Variants in NPHS1 observed in about 807,000 individuals in gnomAD.
NPHS1 encodes NPHS1 adhesion molecule, nephrin.
In NPHS1, 107 loss-of-function variants were observed where a neutral mutation model predicts 139.7. The ratio of observed to expected loss-of-function variants is 0.77; its 90% CI spans 0.66 to 0.90. The LOEUF (loss-of-function observed/expected upper bound fraction) is 0.90, where lower values mean the gene tolerates loss of function less well. Among genes scored for constraint, NPHS1 ranks in the 40% least tolerant of loss-of-function variants. The pLI is 0.00. For missense variants in NPHS1, 1,580 were observed against 1,654.2 expected (o/e 0.96, Z 0.78); for synonymous variants, 707 against 706.6 (o/e 1.00, Z -0.01).
intron 20 of NPHS1, among the ~76,000 whole-genome samples, chr19:35,840,225 G>A (rs1164139034): frequency 2.0e-5 from 3 of 151,536 alleles, no homozygotes; most frequent in Non-Finnish European, 4.4e-5. Context: ...GGCTTGTCTC[G>A]AACTCCTGAC....
chr19:35,851,361 C>T lies in NPHS1; in HGVS notation c.298G>A (p.Ala100Thr), dbSNP rs1379397351. The T allele has an allele frequency of 1.2e-6, 2 of 1,613,280 alleles. No individual in the cohort carries two copies. Among genetic ancestry groups the T allele is most frequent in the African/African-American group, 2.7e-5 (2 of 74,910 alleles). The change falls in exon 3 of 29, where the codon GCC (alanine) becomes ACC (threonine). Residue 100 changes from alanine to threonine, a missense_variant. Ala to Thr is a moderately conservative substitution (Grantham distance 58, BLOSUM62 0). Transcript: ENST00000378910. ...ARGEFHLHIE[A>T]CDLSDDAEYE... ...TCCGCGTCATCGCTGAGGTCACAGGCCTCGATGTGCAGGTGGAATTCACCT... is the reference window on the plus strand; with the variant it reads ...TCCGCGTCATCGCTGAGGTCACAGGTCTCGATGTGCAGGTGGAATTCACCT...
At chr19:35,827,632 C>T (rs1046424412) in intron 28 of NPHS1, among the ~76,000 whole-genome samples, 1 of 152,036 alleles carries the variant, frequency 6.6e-6, no homozygotes, top group African/African-American at 2.4e-5. Flanking sequence ...AATATAAAAC[C>T]TTTAGGCCAA....
intron 11 of NPHS1, among the ~76,000 whole-genome samples, chr19:35,847,151 T>C (rs1973154721): frequency 6.6e-6 from 1 of 151,912 alleles, no homozygotes; most frequent in South Asian, 2.1e-4. Context: ...GTTCACGCCA[T>C]TCTCCTGCCT....
intron 23 of NPHS1, among the ~76,000 whole-genome samples, chr19:35,834,829 C>T (rs1305885762): frequency 6.6e-6 from 1 of 150,584 alleles, no homozygotes; most frequent in East Asian, 1.9e-4. Context: ...AGATAGCAGT[C>T]AGCCGAGATC....
intron 20 of NPHS1, 76 bp from the exon 21 acceptor site, chr19:35,839,683 G>A: frequency 8.3e-7 from 1 of 1,207,124 alleles, no homozygotes; most frequent in Non-Finnish European, 1.2e-6. Flanking sequence ...TTTTCCCTAG[G>A]AATGATTTTA....
In NPHS1 at chr19:35,825,969, A is replaced by G. The variant is rs1300373021; in HGVS notation, c.*545T>C. Reference sequence around the variant, plus strand: ...TTATTTTATTTTTATTTTTTGAGACAGAATCTCGCTCTGTCGCCCAGGCTG... The same window carrying G: ...TTATTTTATTTTTATTTTTTGAGACGGAATCTCGCTCTGTCGCCCAGGCTG... On this transcript the variant is annotated 3_prime_UTR_variant, in exon 29 of 29. Coordinates refer to ENST00000378910, the MANE Select transcript of NPHS1 (RefSeq NM_004646.4). The G allele has an allele frequency of 6.6e-6, 1 of 152,350 alleles. No individual in the cohort carries two copies. Among genetic ancestry groups the G allele is most frequent in the African/African-American group, 2.4e-5 (1 of 41,386 alleles). The allele number at this position is 152,350 out of a possible 1,614,324, so 9.4% of individuals were successfully genotyped here.
At chr19:35,846,299 G>T in intron 11 of NPHS1, 105 bp from the exon 12 acceptor site, 1 of 1,221,178 alleles carries the variant, frequency 8.2e-7, no homozygotes, top group Non-Finnish European at 1.2e-6. Flanking sequence ...CCCAAACAAA[G>T]CCTTTTTCTG....
chr19:35,849,755 C>A (rs1432343178), intron 5 of NPHS1, 102 bp from the exon 6 acceptor site: 4 of 821,418 alleles, frequency 4.9e-6, no homozygotes, highest in Admixed American at 1.9e-5. Flanking sequence ...CACACCTGGT[C>A]TAAGTCCCCA....
At position 35,825,824 on chromosome 19, in the gene NPHS1, T is replaced by G. The variant is rs1467201504; in HGVS notation, c.*690A>C. The G allele has an allele frequency of 6.6e-6, 1 of 152,318 alleles. No homozygotes were observed. Among genetic ancestry groups the G allele is most frequent in the African/African-American group, 2.4e-5 (1 of 41,472 alleles). The allele number at this position is 152,318 out of a possible 1,614,324, so 9.4% of individuals were successfully genotyped here. ...TTCATAAATTCCACTTATTATTAGC[T>G]ATTTCAGACGTCATGGAATGCAAAA... is the stretch of plus-strand genomic sequence containing the variant. On this transcript the variant is annotated 3_prime_UTR_variant, in exon 29 of 29. Coordinates refer to ENST00000378910, the MANE Select transcript of NPHS1 (RefSeq NM_004646.4).
chr19:35,850,742 G>A (rs967470476), intron 4 of NPHS1, among the ~76,000 whole-genome samples: 1 of 152,136 alleles, frequency 6.6e-6, no homozygotes. Context: ...ATTTCTATCT[G>A]GGCCTCAGCC....
intron 16 of NPHS1, chr19:35,843,822 A>T (rs1274654312): frequency 3.1e-6 from 2 of 654,642 alleles, no homozygotes; most frequent in African/African-American, 3.7e-5. Context: ...GGCTTCCAGA[A>T]TTGTGTGTGT....
intron 11 of NPHS1, 30 bp downstream of exon 11, chr19:35,848,011 C>T: frequency 1.9e-6 from 3 of 1,611,714 alleles, no homozygotes; most frequent in South Asian, 1.1e-5. Flanking sequence ...ACATTCCTGG[C>T]CACCCCCATA....
chr19:35,830,473 C>T (rs116969798), intron 28 of NPHS1, among the ~76,000 whole-genome samples: 6,089 of 152,306 alleles, frequency 0.04, 188 homozygotes, highest in Non-Finnish European at 0.054. Flanking sequence ...GCAGTGGCAC[C>T]ATCATGGCTC....
In NPHS1 at chr19:35,844,182, G is replaced by C. The variant is rs1973102203; in HGVS notation, c.2133C>G (p.Arg711=). The C allele has an allele frequency of 6.2e-7, 1 of 1,611,548 alleles. No individual in the cohort carries two copies. Among genetic ancestry groups the C allele is most frequent in the South Asian group, 1.1e-5 (1 of 91,070 alleles). ...GCAGCTGATAGAGGCCGTCGTCCGC[G>C]CGGGTCACATTCCACAGATGCAGAG... ...SGALHLWNVT[R]ADDGLYQLHC... Residue 711 remains arginine, a synonymous_variant, in exon 16 of 29, where the codon CGC becomes CGG. Coordinates refer to ENST00000378910, the MANE Select transcript of NPHS1 (RefSeq NM_004646.4).
chr19:35,843,494 C>T lies in NPHS1; in HGVS notation c.2312G>A (p.Gly771Asp). 5 of 1,614,076 alleles carry T rather than the reference C, an allele frequency of 3.1e-6. No individual in the cohort carries two copies. The highest frequency in any genetic ancestry group is 4.2e-6 in the Non-Finnish European group (5 of 1,179,960). ...CACCAGTCTCTCCCAGTTGAACATG[C>T]CCGGGAGGATGGGATTGGCATCGAC... is the stretch of plus-strand genomic sequence containing the variant. ...CTVDANPILP[G>D]MFNWERLGED... is the part of the protein sequence containing the mutation. The change falls in exon 17 of 29, where the codon GGC becomes GAC. Residue 771 changes from glycine to aspartate, a missense_variant. Coordinates refer to ENST00000378910, the MANE Select transcript of NPHS1 (RefSeq NM_004646.4).
In NPHS1 at chr19:35,848,562, C is replaced by T; in HGVS notation, c.1170+75G>A. The T allele has an allele frequency of 1.9e-6, 3 of 1,596,364 alleles. No homozygotes were observed. The South Asian group carries it at 3.3e-5, about 18-fold the overall frequency. ...AGAAAGCCCCCCAGGCTGCTGGACCCACCCCTTCCCTATCCACGAGTCATG... is the reference window on the plus strand; with the variant it reads ...AGAAAGCCCCCCAGGCTGCTGGACCTACCCCTTCCCTATCCACGAGTCATG... On this transcript the variant is annotated intron_variant, in intron 9 of 28. Transcript: ENST00000378910.
Position 35,831,285 on chromosome 19 carries a change from C to T in NPHS1, c.3387+11G>A. ...CCTGATTGTGGGGTCACCAGGGCCA[C>T]CCCCACTTACCGTGGAGCTCTGAGT... On this transcript the variant is annotated intron_variant, in intron 26 of 28. Coordinates refer to ENST00000378910, the MANE Select transcript of NPHS1 (RefSeq NM_004646.4). The T allele has an allele frequency of 6.2e-7, 1 of 1,613,514 alleles. No homozygotes were observed. Among genetic ancestry groups the T allele is most frequent in the Non-Finnish European group, 8.5e-7 (1 of 1,179,590 alleles).
chr19:35,842,760 A>T (rs985275106), intron 17 of NPHS1, among the ~76,000 whole-genome samples: 5 of 151,886 alleles, frequency 3.3e-5, no homozygotes, highest in African/African-American at 1.2e-4. Context: ...CCATCCATTC[A>T]CCCAACCACT....
At position 35,848,299 on chromosome 19, in the gene NPHS1, G is replaced by A; in HGVS notation, c.1269C>T (p.Ala423=). The part of the protein sequence containing the change: ...LTLTCEAFSE[A]FTKETFKKSL... ...ACTTCTTGAAGGTCTCCTTGGTGAA[G>A]GCTTCACTGAAGGCCTCACATGTGA... Residue 423 remains alanine, a synonymous_variant, in exon 10 of 29, where the codon GCC becomes GCT. Coordinates refer to ENST00000378910, the MANE Select transcript of NPHS1 (RefSeq NM_004646.4). The A allele has an allele frequency of 6.2e-7, 1 of 1,614,184 alleles. No individual in the cohort carries two copies. The highest frequency in any genetic ancestry group is 8.5e-7 in the Non-Finnish European group (1 of 1,180,038).
Sources: gnomAD v4.1 joint callset for allele counts (sites outside exome capture counted in the v4.1 genomes callset) on GRCh38, gnomAD v4.1.1 for gene constraint, MANE v1.5 for transcripts, NCBI Gene and HGNC (gene_info 2026-07-23, HGNC 2026-07-21) for gene names.